RPS6KA2: variants seen among roughly 807,000 people sequenced by gnomAD.
RPS6KA2 encodes ribosomal protein S6 kinase alpha-2.
In RPS6KA2, 42 loss-of-function variants were observed where a neutral mutation model predicts 91.8. That is an observed-to-expected ratio of 0.46 (90% CI 0.36 to 0.59). The LOEUF is 0.59. Among genes scored for constraint, RPS6KA2 ranks in the 20% least tolerant of loss-of-function variants. The pLI is 0.00. For missense variants in RPS6KA2, 798 were observed against 978.5 expected (o/e 0.82, Z 2.46); for synonymous variants, 414 against 393.6 (o/e 1.05, Z -0.61).
intron 2 of RPS6KA2, among the ~76,000 whole-genome samples, chr6:166,857,025 G>A (rs1780920372): frequency 6.6e-6 from 1 of 152,226 alleles, no homozygotes; most frequent in South Asian, 2.1e-4. Context: ...CCGAAAGGCA[G>A]CTGGATAAAC....
Position 166,736,716 on chromosome 6 carries a change from C to T in RPS6KA2, c.123+121484G>A, listed in dbSNP as rs926014443. Among the ~76,000 whole-genome samples, 4 of 152,268 alleles carry T rather than the reference C, an allele frequency of 2.6e-5. No homozygotes were observed. In the East Asian group the frequency reaches 5.8e-4, roughly 22 times the overall value. ...GCTGGCCGAGGGTCGCCACCCACCC[C>T]GCCCTGAAAGCTCTATGGCCTGTGT... is the stretch of plus-strand genomic sequence containing the variant. On this transcript the variant is annotated intron_variant, in intron 2 of 21. Coordinates refer to the RPS6KA2 transcript ENST00000503859.
At chr6:166,633,623 T>C (rs1243521915) in intron 2 of RPS6KA2, among the ~76,000 whole-genome samples, 1 of 152,246 alleles carries the variant, frequency 6.6e-6, no homozygotes, top group Admixed American at 6.5e-5. Flanking sequence ...TTACTAAATC[T>C]AAATTTTTAT....
At chr6:166,658,043 T>G (rs781655665) in intron 2 of RPS6KA2, among the ~76,000 whole-genome samples, 1 of 152,144 alleles carries the variant, frequency 6.6e-6, no homozygotes, top group African/African-American at 2.4e-5. Flanking sequence ...CCACCATGCC[T>G]GGCTAATTTT....
intron 2 of RPS6KA2, among the ~76,000 whole-genome samples, chr6:166,820,824 C>A (rs1219426568): frequency 6.6e-6 from 1 of 152,144 alleles, no homozygotes; most frequent in Non-Finnish European, 1.5e-5. Context: ...AAGTAATTAA[C>A]CCACTTATAA....
intron 10 of RPS6KA2, among the ~76,000 whole-genome samples, chr6:166,480,794 C>T (rs1023581669): frequency 1.3e-5 from 2 of 151,948 alleles, no homozygotes; most frequent in Admixed American, 6.6e-5. Context: ...GGATTACAGG[C>T]GTACACCACC....
Position 166,626,927 on chromosome 6 carries a change from C to T in RPS6KA2, c.93G>A (p.Arg31=), listed in dbSNP as rs754705526. Residue 31 remains arginine (R), a synonymous_variant, in exon 1 of 21, where the codon CGG becomes CGA. Coordinates refer to ENST00000265678, the MANE Select transcript of RPS6KA2 (RefSeq NM_021135.6). This position sits in a 1 kb window ranked among gnomAD's most constrained non-coding sequence, Gnocchi z 4.1. ...CCGAGGGCGGCCGCATTACCTCGAG[C>T]CGGCTCAGGCTGGAGCTCTTGGAGC... The part of the protein sequence containing the change: ...KSRSKSSSLS[R]LEEEGVVKEI... 2 of 1,532,418 alleles carry T rather than the reference C, an allele frequency of 1.3e-6. No individual in the cohort carries two copies. Among genetic ancestry groups the T allele is most frequent in the Middle Eastern group, 1.9e-4 (1 of 5,270 alleles). The allele number at this position is 1,532,418 out of a possible 1,614,324, so 94.9% of individuals were successfully genotyped here.
intron 3 of RPS6KA2, among the ~76,000 whole-genome samples, chr6:166,513,724 T>C (rs1165049865): frequency 6.6e-6 from 1 of 152,166 alleles, no homozygotes; most frequent in African/African-American, 2.4e-5. Context: ...GAAGGAGATT[T>C]AATGAGAGGG....
chr6:166,628,409 A>C (rs1404443640), upstream of RPS6KA2, among the ~76,000 whole-genome samples: 1 of 152,170 alleles, frequency 6.6e-6, no homozygotes, highest in East Asian at 1.9e-4. Flanking sequence ...GTGAGTTGAC[A>C]AGTCTTGCTT....
chr6:166,806,030 CCA>C (rs369011621), intron 2 of RPS6KA2, among the ~76,000 whole-genome samples: 35 of 152,006 alleles, frequency 2.3e-4, no homozygotes, highest in African/African-American at 8.5e-4. Flanking sequence ...AAAAAAGAAT[CCA>C]CATATTTAAG....
At chr6:166,690,149 G>A (rs1309802925) in intron 2 of RPS6KA2, among the ~76,000 whole-genome samples, 1 of 152,186 alleles carries the variant, frequency 6.6e-6, no homozygotes, top group Non-Finnish European at 1.5e-5. Flanking sequence ...AGGCTGCTTT[G>A]GGACCACATC....
chr6:166,572,213 GGATTCTAAT>G (rs1366195479), intron 1 of RPS6KA2, among the ~76,000 whole-genome samples: 1 of 152,020 alleles, frequency 6.6e-6, no homozygotes, highest in Non-Finnish European at 1.5e-5. Context: ...GATTGATTAG[GGATTCTAAT>G]TTTCTTTCCA....
intron 1 of RPS6KA2, among the ~76,000 whole-genome samples, chr6:166,587,444 T>A (rs9348149): frequency 0.098 from 14,859 of 152,148 alleles, 802 homozygotes; most frequent in East Asian, 0.26. Context: ...CCCTCCTATG[T>A]AGAATGAGGG....
chr6:166,850,919 C>G (rs1490186216), intron 2 of RPS6KA2, among the ~76,000 whole-genome samples: 1 of 152,072 alleles, frequency 6.6e-6, no homozygotes, highest in African/African-American at 2.4e-5. Flanking sequence ...CATGACCTGA[C>G]TGCATTAGCC....
chr6:166,610,068 T>A (rs182235916), intron 1 of RPS6KA2, among the ~76,000 whole-genome samples: 2 of 152,202 alleles, frequency 1.3e-5, no homozygotes, highest in African/African-American at 4.8e-5. Context: ...GCTATTTAGT[T>A]CAACATGAGA....
At chr6:166,600,070 C>T (rs551368409) in intron 1 of RPS6KA2, among the ~76,000 whole-genome samples, 4 of 149,396 alleles carry the variant, frequency 2.7e-5, no homozygotes, top group South Asian at 2.2e-4. Context: ...TGCAGTGGTG[C>T]CATCATAGCT....
chr6:166,743,882 G>A (rs1375132508), intron 2 of RPS6KA2, among the ~76,000 whole-genome samples: 1 of 152,062 alleles, frequency 6.6e-6, no homozygotes. Flanking sequence ...CAGGGCTTTG[G>A]CGGTGGTCAG....
chr6:166,828,465 C>T (rs1780102038), intron 2 of RPS6KA2, among the ~76,000 whole-genome samples: 1 of 152,188 alleles, frequency 6.6e-6, no homozygotes, highest in African/African-American at 2.4e-5. Context: ...AATTCTTTTG[C>T]TCTTAATATT....
intron 2 of RPS6KA2, among the ~76,000 whole-genome samples, chr6:166,727,050 C>G (rs527392209): frequency 1.3e-5 from 2 of 152,310 alleles, no homozygotes; most frequent in African/African-American, 4.8e-5. Context: ...GAGATGGACA[C>G]TGCTGTGTTC....
intron 2 of RPS6KA2, among the ~76,000 whole-genome samples, chr6:166,638,563 C>G (rs189091468): frequency 2.0e-5 from 3 of 152,170 alleles, no homozygotes; most frequent in African/African-American, 7.2e-5. Flanking sequence ...TAAAAACGAC[C>G]GCGGTAAGCA....
Sources: gnomAD v4.1 joint callset for allele counts (sites outside exome capture counted in the v4.1 genomes callset) on GRCh38, gnomAD v4.1.1 for gene constraint, Gnocchi (gnomAD v3.1) non-coding constraint, MANE v1.5 for transcripts, NCBI Gene and HGNC (gene_info 2026-07-23, HGNC 2026-07-21) for gene names.